The following CALN1 variants were observed in gnomAD, a reference collection of about 807,000 sequenced individuals.
CALN1 encodes calcium-binding protein 8.
In CALN1, 17 loss-of-function variants were observed where a neutral mutation model predicts 30.6. The ratio of observed to expected loss-of-function variants is 0.56; its 90% confidence interval spans 0.38 to 0.83. The LOEUF (loss-of-function observed/expected upper bound fraction) is 0.83. Among genes scored for constraint, CALN1 ranks in the 40% least tolerant of loss-of-function variants. The pLI is 0.00. For synonymous variants in CALN1, 156 were observed against 131.4 expected, an observed-to-expected ratio of 1.19 and a Z score of -1.28; for missense variants, 291 against 354.9, an observed-to-expected ratio of 0.82 and a Z score of 1.45.
chr7:71,921,726 A>C (rs1794955877), intron 5 of CALN1, among the ~76,000 whole-genome samples: 1 of 152,176 alleles, frequency 6.6e-6, no homozygotes, highest in South Asian at 2.1e-4. Flanking sequence ...GATTTTTAAA[A>C]GTAGGTGAGG....
intron 2 of CALN1, among the ~76,000 whole-genome samples, chr7:72,332,290 G>A (rs1801731788): frequency 6.6e-6 from 1 of 151,988 alleles, no homozygotes; most frequent in Non-Finnish European, 1.5e-5. Flanking sequence ...TTTAGTTACA[G>A]GCAAATTAAG....
intron 2 of CALN1, among the ~76,000 whole-genome samples, chr7:72,338,717 G>A (rs1415267394): frequency 6.6e-6 from 1 of 151,954 alleles, no homozygotes; most frequent in Non-Finnish European, 1.5e-5. Flanking sequence ...GGGTACATGA[G>A]ATGTTTTGTT....
intron 4 of CALN1, among the ~76,000 whole-genome samples, chr7:72,032,204 G>A (rs1413152585): frequency 2.6e-5 from 4 of 151,498 alleles, no homozygotes; most frequent in Non-Finnish European, 5.9e-5. Context: ...GACTACAGGC[G>A]CCCACCACTG....
At chr7:72,167,238 G>C (rs976470702) in intron 3 of CALN1, among the ~76,000 whole-genome samples, 2 of 152,218 alleles carry the variant, frequency 1.3e-5, no homozygotes, top group African/African-American at 4.8e-5. Flanking sequence ...CAGTAGGCAT[G>C]TTGGGTCAAC....
intron 3 of CALN1, among the ~76,000 whole-genome samples, chr7:72,212,343 C>T (rs1269005746): frequency 8.3e-6 from 1 of 119,924 alleles, no homozygotes; most frequent in Non-Finnish European, 1.6e-5. Context: ...GAGCAACACA[C>T]CGTCTCAAAA....
chr7:72,178,455 G>A (rs1464704406), intron 3 of CALN1, among the ~76,000 whole-genome samples: 4 of 152,270 alleles, frequency 2.6e-5, no homozygotes, highest in African/African-American at 7.2e-5. Context: ...CACTTTGGGA[G>A]GCTGAGGTAG....
At chr7:72,230,336 A>G (rs1445233102) in intron 3 of CALN1, among the ~76,000 whole-genome samples, 1 of 121,576 alleles carries the variant, frequency 8.2e-6, no homozygotes, top group African/African-American at 3.3e-5. Flanking sequence ...TCTCTACAAT[A>G]GATACTAAAA....
intron 5 of CALN1, among the ~76,000 whole-genome samples, chr7:71,932,270 C>T (rs1031917615): frequency 4.6e-5 from 7 of 152,118 alleles, no homozygotes; most frequent in African/African-American, 7.2e-5. Context: ...CCAACTCTTG[C>T]GCTGAAGCGA....
chr7:72,246,978 T>C (rs1359965558), intron 3 of CALN1, among the ~76,000 whole-genome samples: 1 of 151,976 alleles, frequency 6.6e-6, no homozygotes, highest in African/African-American at 2.4e-5. Flanking sequence ...AGTCTCGAAC[T>C]CCCGACCTCA....
chr7:72,336,387 A>G (rs894755640), intron 2 of CALN1, among the ~76,000 whole-genome samples: 1 of 152,006 alleles, frequency 6.6e-6, no homozygotes, highest in Non-Finnish European at 1.5e-5. Context: ...AGCGGCTCCC[A>G]GCCTCCAGCC....
chr7:72,082,511 A>G (rs982161322), intron 4 of CALN1, among the ~76,000 whole-genome samples: 1 of 152,176 alleles, frequency 6.6e-6, no homozygotes, highest in Non-Finnish European at 1.5e-5. Context: ...TAGAAACAGA[A>G]TGGAAGGAGA....
intron 5 of CALN1, among the ~76,000 whole-genome samples, chr7:71,922,509 A>G (rs2129518018): frequency 7.0e-6 from 1 of 142,214 alleles, no homozygotes; most frequent in African/African-American, 2.7e-5. Context: ...ATATAAATAC[A>G]CAATATATAA....
intron 3 of CALN1, among the ~76,000 whole-genome samples, chr7:72,140,437 TC>T (rs1554452426): frequency 1.3e-5 from 2 of 151,730 alleles, no homozygotes; most frequent in Non-Finnish European, 1.5e-5. Context: ...CCCACCTCCT[TC>T]TGCTGCTCCT....
chr7:72,067,785 C>G (rs1804125591), intron 4 of CALN1, among the ~76,000 whole-genome samples: 1 of 151,356 alleles, frequency 6.6e-6, no homozygotes, highest in African/African-American at 2.4e-5. Context: ...TGCTTGGGCC[C>G]CAGGTCCAGC....
At chr7:72,133,144 G>A (rs894927690) in intron 3 of CALN1, among the ~76,000 whole-genome samples, 9 of 152,204 alleles carry the variant, frequency 5.9e-5, no homozygotes, top group East Asian at 1.9e-4. Flanking sequence ...GGAGACCACC[G>A]AGTTCAAGCA....
chr7:72,380,698 C>G (rs186448838), intron 2 of CALN1, among the ~76,000 whole-genome samples: 1,625 of 145,924 alleles, frequency 0.011, 18 homozygotes, highest in South Asian at 0.043. Flanking sequence ...TGGATACATA[C>G]ATTAGATTAG....
chr7:72,395,355 G>A lies in CALN1; in HGVS notation c.119+7896C>T, dbSNP rs202051118. ...ACATACACACACACGCTGCGCACGC[G>A]CGCGCACACACACACACACACATAT... On this transcript the variant is annotated intron_variant, in intron 2 of 6. Coordinates refer to ENST00000395275, the MANE Select transcript of CALN1 (RefSeq NM_031468.4). Among the ~76,000 whole-genome samples the A allele has an allele frequency of 2.2e-4, 33 of 147,588 alleles. No homozygotes were observed. In the South Asian group the frequency reaches 3.0e-3, roughly 13 times the overall value.
intron 1 of CALN1, among the ~76,000 whole-genome samples, chr7:72,405,541 C>T (rs1321190657): frequency 1.3e-5 from 2 of 152,118 alleles, no homozygotes; most frequent in East Asian, 1.9e-4. Context: ...ACACTCTGTC[C>T]CCAGCAGCAC....
chr7:72,050,994 C>CAATA (rs10601126), intron 4 of CALN1, among the ~76,000 whole-genome samples: 9,229 of 139,198 alleles, frequency 0.066, 312 homozygotes, highest in African/African-American at 0.083. Flanking sequence ...GACTCCACCA[C>CAATA]AATAAATAAA....
Sources: allele counts gnomAD v4.1 joint callset (sites outside exome capture counted in the v4.1 genomes callset), GRCh38; gene constraint gnomAD v4.1.1; transcripts MANE v1.5; gene names NCBI Gene and HGNC (gene_info 2026-07-23, HGNC 2026-07-21).